PIK3C2A: variants seen among roughly 807,000 people sequenced by gnomAD.
PIK3C2A encodes the protein phosphatidylinositol 4-phosphate 3-kinase C2 domain-containing subunit alpha.
Under a neutral mutation model 204.5 loss-of-function variants are expected in PIK3C2A, and 97 were observed. The observed-to-expected ratio is 0.47, with a 90% confidence interval of 0.40 to 0.56. PIK3C2A has a LOEUF of 0.56. PIK3C2A is among the 20% of genes least tolerant of loss of function. The pLI is 0.00. For synonymous variants in PIK3C2A, 653 were observed against 664.4 expected, an observed-to-expected ratio of 0.98 and a Z score of 0.26; for missense variants, 1,735 against 1,969.2, an observed-to-expected ratio of 0.88 and a Z score of 2.25.
At chr11:17,181,081 T>C (rs556754116) in intron 1 of PIK3C2A, among the ~76,000 whole-genome samples, 2 of 151,848 alleles carry the variant, frequency 1.3e-5, no homozygotes, top group African/African-American at 4.9e-5. Context: ...GTATTAGAGG[T>C]GGCGGGACAG....
At chr11:17,109,195 T>G (rs1307633825) in intron 22 of PIK3C2A, among the ~76,000 whole-genome samples, 2 of 152,222 alleles carry the variant, frequency 1.3e-5, no homozygotes, top group African/African-American at 4.8e-5. Context: ...TGTTTCTCAT[T>G]TCCACCAACA....
Position 17,168,712 on chromosome 11 carries a change from T to C in PIK3C2A, c.1030A>G (p.Thr344Ala), listed in dbSNP as rs371833721. 6.3e-7 allele frequency: 1 copy of C among 1,599,324 alleles called. No individual in the cohort carries two copies. Among genetic ancestry groups the C allele is most frequent in the African/African-American group, 1.3e-5 (1 of 74,270 alleles). The part of the protein sequence containing the change: ...TRSQSLNIRT[T>A]QLAKAQGHIS... The stretch of plus-strand genomic sequence containing the variant: ...TGGCCCTGGGCTTTTGCAAGCTGAG[T>C]TGTTCGAATATTTAAAGACTGGCTT... The change falls in exon 2 of 33, where the codon ACT becomes GCT. Residue 344 changes from threonine (T) to alanine (A), a missense_variant. Thr to Ala is a moderately conservative substitution (Grantham distance 58, BLOSUM62 0). Coordinates refer to ENST00000691414, the MANE Select transcript of PIK3C2A (RefSeq NM_002645.4).
intron 19 of PIK3C2A, 33 bp downstream of exon 19, chr11:17,117,458 A>G: frequency 6.7e-7 from 1 of 1,481,742 alleles, no homozygotes; most frequent in Non-Finnish European, 9.3e-7. Flanking sequence ...CTTTAACATT[A>G]ACACATTTAT....
At chr11:17,187,517 C>T (rs1851795290) in intron 1 of PIK3C2A, among the ~76,000 whole-genome samples, 1 of 152,172 alleles carries the variant, frequency 6.6e-6, no homozygotes, top group African/African-American at 2.4e-5. Context: ...TAAAGAAACC[C>T]TGCACCCATT....
chr11:17,092,339 C>T (rs1848333627), intron 28 of PIK3C2A, 63 bp from the exon 29 acceptor site: 2 of 791,534 alleles, frequency 2.5e-6, no homozygotes, highest in East Asian at 2.4e-5. Context: ...TAGAAATACA[C>T]TTTTTCATAT....
chr11:17,178,972 A>G (rs1209451499), intron 1 of PIK3C2A, among the ~76,000 whole-genome samples: 1 of 138,618 alleles, frequency 7.2e-6, no homozygotes, highest in Non-Finnish European at 1.6e-5. Flanking sequence ...CTCATGATCC[A>G]CCCGCCTCGG....
intron 1 of PIK3C2A, among the ~76,000 whole-genome samples, chr11:17,180,588 G>A (rs1049481507): frequency 6.6e-6 from 1 of 151,896 alleles, no homozygotes; most frequent in African/African-American, 2.4e-5. Flanking sequence ...TTGGGAGACT[G>A]AGACAGGTGG....
chr11:17,119,951 A>T lies in PIK3C2A; in HGVS notation c.2681T>A (p.Phe894Tyr). ...GCAATAATAACGTTTCTCCCATAAA[A>T]AAGCTTTATCTTCTTTAGAAAGTCT... ...SLGLSKEDKA[F>Y]LWEKRYYCFK... Residue 894 changes from phenylalanine to tyrosine, a missense_variant, in exon 16 of 33, where the codon TTT becomes TAT. By Grantham distance (22) the Phe-to-Tyr change is conservative. Around this residue, in one of 6 missense-constraint regions of PIK3C2A, gnomAD observed 567 missense variants for 576.0 expected, o/e 0.98. Transcript: ENST00000691414. 1 of 1,586,258 alleles carries T rather than the reference A, an allele frequency of 6.3e-7. No individual in the cohort carries two copies. The highest frequency in any genetic ancestry group is 8.6e-7 in the Non-Finnish European group (1 of 1,159,652).
At chr11:17,142,581 G>A (rs557517229) in intron 8 of PIK3C2A, among the ~76,000 whole-genome samples, 4 of 152,282 alleles carry the variant, frequency 2.6e-5, no homozygotes, top group South Asian at 2.1e-4. Flanking sequence ...TTGGGAGGCC[G>A]AAGCAAGATG....
rs189988459 is a variant in PIK3C2A at position 17,093,367 on chromosome 11, C to T, written c.4451+894G>A. The stretch of plus-strand genomic sequence containing the variant: ...CTGCAAGCTCCACCTTCTGGGTTCA[C>T]GCCATTCTCCTGCCTCAGCCTCCCA... On this transcript the variant is annotated intron_variant, in intron 28 of 32. Coordinates refer to ENST00000691414, the MANE Select transcript of PIK3C2A (RefSeq NM_002645.4). Among the ~76,000 whole-genome samples, 6 of 152,216 alleles carry T rather than the reference C, an allele frequency of 3.9e-5. No individual in the cohort carries two copies. The South Asian group carries it at 6.2e-4, about 16-fold the overall frequency.
chr11:17,197,523 C>T (rs756950543), intron 1 of PIK3C2A, among the ~76,000 whole-genome samples: 11 of 152,118 alleles, frequency 7.2e-5, no homozygotes, highest in Non-Finnish European at 1.5e-4. Flanking sequence ...ATAAGTGATT[C>T]ACAACCAGGG....
At chr11:17,136,795 AG>A (rs1849888259) in intron 8 of PIK3C2A, among the ~76,000 whole-genome samples, 170 bp from the exon 9 acceptor site, 1 of 152,248 alleles carries the variant, frequency 6.6e-6, no homozygotes, top group Non-Finnish European at 1.5e-5. Flanking sequence ...ATTTCAAAGT[AG>A]GAAAAGGCAA....
intron 29 of PIK3C2A, 34 bp from the exon 30 acceptor site, chr11:17,092,102 A>G: frequency 2.0e-6 from 3 of 1,522,556 alleles, no homozygotes; most frequent in Non-Finnish European, 2.7e-6. Context: ...CATTAGTTTA[A>G]ATATTATGTA....
At chr11:17,164,438 G>C (rs1850883168) in intron 2 of PIK3C2A, among the ~76,000 whole-genome samples, 1 of 152,066 alleles carries the variant, frequency 6.6e-6, no homozygotes, top group Admixed American at 6.6e-5. Context: ...ATTAGATGGG[G>C]TTTGATTAGA....
chr11:17,158,737 GT>G (rs1850684936), intron 2 of PIK3C2A, among the ~76,000 whole-genome samples: 1 of 152,028 alleles, frequency 6.6e-6, no homozygotes, highest in African/African-American at 2.4e-5. Flanking sequence ...TGTTCTTCAT[GT>G]TTTACTTATT....
rs184297997 is a variant in PIK3C2A at position 17,196,965 on chromosome 11, G to A, written c.-66+10883C>T. 6.3e-3 allele frequency among the ~76,000 whole-genome samples: 956 copies of A among 152,208 alleles called. 5 individuals carry two copies. The highest frequency in any genetic ancestry group is 0.01 in the Non-Finnish European group (692 of 68,002). On this transcript the variant is annotated intron_variant, in intron 1 of 32. Transcript: ENST00000691414. ...AAAAAGAGTGAGCCATGGGAAAAGT[G>A]AAGAGGAGAGTCTTCCCAAGCTTCG...
intron 1 of PIK3C2A, among the ~76,000 whole-genome samples, chr11:17,186,784 A>G (rs985523679): frequency 1.3e-5 from 2 of 152,250 alleles, no homozygotes; most frequent in African/African-American, 4.8e-5. Context: ...GGATAGAAAT[A>G]CTGGCCTTGG....
At chr11:17,198,464 C>G (rs1852240551) in intron 1 of PIK3C2A, among the ~76,000 whole-genome samples, 1 of 152,032 alleles carries the variant, frequency 6.6e-6, no homozygotes. Context: ...TTAGTTTTCT[C>G]ATCTGTAAAA....
intron 13 of PIK3C2A, among the ~76,000 whole-genome samples, chr11:17,123,882 AAAC>A (rs1478084102): frequency 3.3e-5 from 5 of 152,236 alleles, no homozygotes; most frequent in African/African-American, 1.2e-4. Flanking sequence ...AAATTTCTGA[AAAC>A]AACGTAAGAT....
Sources: allele counts gnomAD v4.1 joint callset (sites outside exome capture counted in the v4.1 genomes callset), GRCh38; gene constraint gnomAD v4.1.1; regional missense constraint gnomAD v4.1.1; transcripts MANE v1.5; gene names NCBI Gene and HGNC (gene_info 2026-07-23, HGNC 2026-07-21).